PDCD7: variants seen among roughly 807,000 people sequenced by gnomAD.
The protein encoded by PDCD7 is programmed cell death protein 7.
PDCD7 carries 40 observed loss-of-function variants against 42.1 expected under a neutral mutation model. That is an observed-to-expected ratio of 0.95 (90% confidence interval 0.74 to 1.24). PDCD7 has a LOEUF of 1.24. Among genes scored for constraint, PDCD7 ranks in the 50% most tolerant of loss-of-function variants. The pLI is 0.00. For synonymous variants in PDCD7, 299 were observed against 303.3 expected, an observed-to-expected ratio of 0.99 and a Z score of 0.15; for missense variants, 644 against 662.8, an observed-to-expected ratio of 0.97 and a Z score of 0.31.
intron 2 of PDCD7, among the ~76,000 whole-genome samples, chr15:65,125,662 T>C (rs569663308): frequency 6.6e-6 from 1 of 152,318 alleles, no homozygotes; most frequent in South Asian, 2.1e-4. Flanking sequence ...CTGTTTTAAG[T>C]ACTTTACACA....
Position 65,133,622 on chromosome 15 carries a change from G to C in PDCD7, c.160C>G (p.Pro54Ala), listed in dbSNP as rs1012362135. Residue 54 changes from proline (P) to alanine (A), a missense_variant, in exon 1 of 5, where the codon CCC becomes GCC. Pro to Ala is a conservative substitution (Grantham distance 27). Coordinates refer to ENST00000204549, the MANE Select transcript of PDCD7 (RefSeq NM_005707.2). ...RPGPFPGASA[P>A]FLQPPLALQP... is the part of the protein sequence containing the mutation. ...AGAGCCAGCGGAGGCTGAAGGAAGGGGGCGGAGGCCCCCGGAAAAGGGCCG... is the reference window on the plus strand; with the variant it reads ...AGAGCCAGCGGAGGCTGAAGGAAGGCGGCGGAGGCCCCCGGAAAAGGGCCG... 5 of 1,249,638 alleles carry C rather than the reference G, an allele frequency of 4.0e-6. No homozygotes were observed. In the African/African-American group the frequency reaches 7.7e-5, roughly 19 times the overall value. 77.4% of individuals were successfully genotyped at this position (1,249,638 alleles called of 1,614,324 possible).
chr15:65,132,790 T>G, intron 1 of PDCD7, 122 bp downstream of exon 1: 1 of 1,423,722 alleles, frequency 7.0e-7, no homozygotes, highest in East Asian at 2.3e-5. Context: ...GAAGGTTAGC[T>G]ATCGCTTCAT....
In PDCD7 at chr15:65,119,712, A is replaced by G. The variant is rs2140577756; in HGVS notation, c.1246+6T>C. ...CATTTTCTCCACTGGTTATAGAGCA[A>G]CATACCTGGATCCCCAAACAACTTG... On this transcript the variant is annotated splice_donor_region_variant and intron_variant, in intron 3 of 4. Transcript: ENST00000204549. 4 of 1,608,638 alleles carry G rather than the reference A, an allele frequency of 2.5e-6. No individual in the cohort carries two copies. The East Asian group carries it at 8.9e-5, about 36-fold the overall frequency.
At chr15:65,121,286 C>T (rs2140578934) in intron 2 of PDCD7, among the ~76,000 whole-genome samples, 1 of 152,224 alleles carries the variant, frequency 6.6e-6, no homozygotes, top group South Asian at 2.1e-4. Flanking sequence ...CTCCTGACCT[C>T]AGGTGATCCA....
At chr15:65,127,373 C>T (rs1319545962) in intron 2 of PDCD7, among the ~76,000 whole-genome samples, 6 of 150,120 alleles carry the variant, frequency 4.0e-5, no homozygotes, top group South Asian at 2.1e-4. Flanking sequence ...AGGAGAATGG[C>T]GTGAACCCGG....
At chr15:65,118,865 C>A in intron 4 of PDCD7, 25 bp from the exon 5 acceptor site, 1 of 1,495,954 alleles carries the variant, frequency 6.7e-7, no homozygotes, top group Non-Finnish European at 8.9e-7. Flanking sequence ...TATAGAACAA[C>A]TATTTATTTC....
At position 65,133,525 on chromosome 15, in the gene PDCD7, G is replaced by A; in HGVS notation, c.257C>T (p.Pro86Leu). 1 of 1,228,142 alleles carries A rather than the reference G, an allele frequency of 8.1e-7. No homozygotes were observed. The allele number at this position is 1,228,142 out of a possible 1,614,324, so 76.1% of individuals were successfully genotyped here. A position where few individuals can be genotyped will look rare whatever the true frequency, so the allele number is the denominator to read the frequency against. ...CTGGGGCGGCGGAGGAGGCAGCGGC[G>A]GTGGTGGCACCGGGTAGAAGGCGCC... Reference protein sequence around the residue: ...GAGAFYPVPPPPLPPPPPQCR... With the variant: ...GAGAFYPVPPLPLPPPPPQCR... The change falls in exon 1 of 5, where the codon CCG becomes CTG. Residue 86 changes from proline (P) to leucine (L), a missense_variant. Pro to Leu is a moderately conservative substitution (Grantham distance 98). Transcript: ENST00000204549.
At chr15:65,124,476 C>G (rs1487896342) in intron 2 of PDCD7, among the ~76,000 whole-genome samples, 1 of 151,862 alleles carries the variant, frequency 6.6e-6, no homozygotes, top group Non-Finnish European at 1.5e-5. Context: ...CAGCACTTCT[C>G]ACACAGTCTT....
At chr15:65,128,887 G>A in intron 2 of PDCD7, 145 bp downstream of exon 2, 1 of 898,460 alleles carries the variant, frequency 1.1e-6, no homozygotes, top group African/African-American at 1.7e-5. Context: ...CAGAAGTTCT[G>A]ACCTACTTGC....
At chr15:65,130,574 TCCA>T (rs2087531717) in intron 1 of PDCD7, among the ~76,000 whole-genome samples, 2 of 152,218 alleles carry the variant, frequency 1.3e-5, no homozygotes, top group Non-Finnish European at 2.9e-5. Flanking sequence ...TGCCTGTAAT[TCCA>T]CCACTACAGC....
intron 2 of PDCD7, among the ~76,000 whole-genome samples, chr15:65,128,138 TG>T (rs1566972719): frequency 6.6e-6 from 1 of 152,224 alleles, no homozygotes; most frequent in Non-Finnish European, 1.5e-5. Context: ...AAACAACACA[TG>T]GGAAATCATT....
chr15:65,120,970 G>C (rs988738249), intron 2 of PDCD7, among the ~76,000 whole-genome samples: 3 of 151,312 alleles, frequency 2.0e-5, no homozygotes, highest in African/African-American at 7.3e-5. Context: ...ATGTTTCTGA[G>C]TATTCAATTA....
At chr15:65,129,740 A>G (rs1421260780) in intron 1 of PDCD7, among the ~76,000 whole-genome samples, 2 of 152,022 alleles carry the variant, frequency 1.3e-5, no homozygotes, top group Non-Finnish European at 2.9e-5. Flanking sequence ...GCCACTCCTC[A>G]TAAGACTCTG....
Position 65,118,655 on chromosome 15 carries a change from C to T in PDCD7, c.*62G>A, listed in dbSNP as rs2087425876. The T allele has an allele frequency of 1.1e-5, 16 of 1,482,972 alleles. No homozygotes were observed. The South Asian group carries it at 2.3e-4, about 21-fold the overall frequency. 91.9% of individuals were successfully genotyped at this position (1,482,972 alleles called of 1,614,324 possible). On this transcript the variant is annotated 3_prime_UTR_variant, in exon 5 of 5. Transcript: ENST00000204549. ...GTTTAGTCTACAGCAAAAGATGGCA[C>T]CATCGCTAATATTTACAGCTGGAAA...
chr15:65,121,968 G>A (rs1372295720), intron 2 of PDCD7, among the ~76,000 whole-genome samples: 2 of 152,194 alleles, frequency 1.3e-5, no homozygotes, highest in Non-Finnish European at 2.9e-5. Flanking sequence ...AATGTAGAGT[G>A]ATGTGGATGT....
chr15:65,126,052 C>T (rs1468324371), intron 2 of PDCD7, among the ~76,000 whole-genome samples: 2 of 152,104 alleles, frequency 1.3e-5, no homozygotes, highest in Non-Finnish European at 2.9e-5. Context: ...AATTACCTCC[C>T]ACCAAGTCCC....
Position 65,120,027 on chromosome 15 carries a change from C to T in PDCD7, c.1010-73G>A, listed in dbSNP as rs1351370811. ...ACAAGGCCTCGCTCTAACACCCAGG[C>T]TGGAGTACAGTGGTGTGATCATAGC... On this transcript the variant is annotated intron_variant, in intron 2 of 4. Coordinates refer to ENST00000204549, the MANE Select transcript of PDCD7 (RefSeq NM_005707.2). 10 of 1,488,328 alleles carry T rather than the reference C, an allele frequency of 6.7e-6. No homozygotes were observed. In the Admixed American group the frequency reaches 2.0e-4, roughly 30 times the overall value. 92.2% of individuals were successfully genotyped at this position (1,488,328 alleles called of 1,614,324 possible).
Position 65,119,820 on chromosome 15 carries a change from CTT to C in PDCD7, c.1142_1143del (p.Gln381ArgfsTer25). 1 of 1,613,894 alleles carries C rather than the reference CTT, an allele frequency of 6.2e-7. No individual in the cohort carries two copies. The highest frequency in any genetic ancestry group is 8.5e-7 in the Non-Finnish European group (1 of 1,179,826). On this transcript the variant is annotated frameshift_variant, in exon 3 of 5. Coordinates refer to ENST00000204549, the MANE Select transcript of PDCD7 (RefSeq NM_005707.2). LOFTEE classifies it high-confidence loss of function. ...TCTAATTCTCTTTTCCTCTCTTCCT[CTT>C]GTTCTCCTTCTAGCATAACTCTGAG... ...RALRVMLEGE[Q>X]EEERKRELEK...
rs1435138594 is a variant in PDCD7, at chr15:65,118,218, A to T, written c.*499T>A. ...CTAAGCTGCACTAAAACTGGGATTA[A>T]CACAACTGAAGATAACATTTTTGAC... On this transcript the variant is annotated 3_prime_UTR_variant, in exon 5 of 5. Transcript: ENST00000204549. 6.6e-6 allele frequency: 1 copy of T among 152,326 alleles called. No homozygotes were observed. Among genetic ancestry groups the T allele is most frequent in the Non-Finnish European group, 1.5e-5 (1 of 68,108 alleles). 9.4% of individuals were successfully genotyped at this position (152,326 alleles called of 1,614,324 possible). A position where few individuals can be genotyped will look rare whatever the true frequency, so the allele number is the denominator to read the frequency against.
Sources: gnomAD v4.1 joint callset for allele counts (sites outside exome capture counted in the v4.1 genomes callset) on GRCh38, gnomAD v4.1.1 for gene constraint, MANE v1.5 for transcripts, NCBI Gene and HGNC (gene_info 2026-07-23, HGNC 2026-07-21) for gene names.